Variants in SUZ12 observed in about 807,000 individuals in gnomAD.
The protein encoded by SUZ12 is polycomb protein SUZ12.
In SUZ12, 17 loss-of-function variants were observed where a neutral mutation model predicts 87.3. That is an observed-to-expected ratio of 0.19 (90% CI 0.13 to 0.29). The LOEUF (loss-of-function observed/expected upper bound fraction) is 0.29. Among genes scored for constraint, SUZ12 ranks in the 10% least tolerant of loss-of-function variants. The probability of loss-of-function intolerance (pLI) is 1.00; values close to 1 mark genes in which losing one functional copy is unlikely to be tolerated. For synonymous variants in SUZ12, 253 were observed against 312.4 expected (o/e 0.81, Z 2.01); for missense variants, 526 against 912.2 (o/e 0.58, Z 5.45).
chr17:31,993,239 C>CA lies in SUZ12; in HGVS notation c.1202-2dup, dbSNP rs1909812331. On this transcript the variant is annotated splice_region_variant and splice_polypyrimidine_tract_variant and intron_variant, in intron 10 of 15. Coordinates refer to ENST00000322652, the MANE Select transcript of SUZ12 (RefSeq NM_015355.4). ...TATTGAATATAAAAGTGTATGTTTT[C>CA]AGCTGTTAAAGAATCATTGACTACA... 1 of 1,557,132 alleles carries CA rather than the reference C, an allele frequency of 6.4e-7. No individual in the cohort carries two copies. The highest frequency in any genetic ancestry group is 1.2e-5 in the South Asian group (1 of 82,406).
At chr17:31,983,473 G>A (rs1909232090) in intron 9 of SUZ12, among the ~76,000 whole-genome samples, 1 of 151,800 alleles carries the variant, frequency 6.6e-6, no homozygotes, top group Non-Finnish European at 1.5e-5. Flanking sequence ...GTAGAGACGG[G>A]GTTTGACCAT....
At chr17:31,970,820 G>T (rs1598169380) in intron 5 of SUZ12, among the ~76,000 whole-genome samples, 1 of 151,500 alleles carries the variant, frequency 6.6e-6, no homozygotes, top group Non-Finnish European at 1.5e-5. Context: ...AAAAAATAAA[G>T]AAAAAATGTG....
chr17:31,999,744 G>GTT lies in SUZ12; in HGVS notation c.*752_*753dup, dbSNP rs796203928. On this transcript the variant is annotated 3_prime_UTR_variant, in exon 16 of 16. Transcript: ENST00000322652. ...TTTTAGTGCATTGCTCACCCGGTAT[G>GTT]TTTTTTTTTTTTAACTTGAACATTT... 21 of 199,080 alleles carry GTT rather than the reference G, an allele frequency of 1.1e-4. No individual in the cohort carries two copies. The highest frequency in any genetic ancestry group is 2.9e-4 in the African/African-American group (12 of 41,884). The allele number at this position is 199,080 out of a possible 1,614,324, so 12.3% of individuals were successfully genotyped here. A position where few individuals can be genotyped will look rare whatever the true frequency, so the allele number is the denominator to read the frequency against.
chr17:31,980,902 C>G (rs1317050149), intron 8 of SUZ12, among the ~76,000 whole-genome samples: 1 of 151,914 alleles, frequency 6.6e-6, no homozygotes, highest in South Asian at 2.1e-4. Context: ...TGCAGTGGCT[C>G]ACACTTGTAA....
intron 10 of SUZ12, among the ~76,000 whole-genome samples, chr17:31,988,876 C>A (rs1202684852): frequency 6.6e-6 from 1 of 151,702 alleles, no homozygotes; most frequent in Non-Finnish European, 1.5e-5. Context: ...GGAGATCATC[C>A]TGGCTAACAC....
intron 6 of SUZ12, among the ~76,000 whole-genome samples, chr17:31,974,331 G>C (rs1162429641): frequency 6.6e-6 from 1 of 152,184 alleles, no homozygotes; most frequent in Non-Finnish European, 1.5e-5. Context: ...TCAGGAGATC[G>C]AGTGGCTAAC....
intron 4 of SUZ12, among the ~76,000 whole-genome samples, chr17:31,953,480 T>A (rs1907106894): frequency 1.3e-5 from 2 of 152,106 alleles, no homozygotes; most frequent in Admixed American, 1.3e-4. Flanking sequence ...CAATGATAGG[T>A]CACTGATGGA....
Position 31,984,570 on chromosome 17 carries a change from G to A in SUZ12, c.1023+1466G>A, listed in dbSNP as rs1296763632. Among the ~76,000 whole-genome samples the A allele has an allele frequency of 3.3e-5, 5 of 152,160 alleles. No individual in the cohort carries two copies. In the East Asian group the frequency reaches 9.6e-4, roughly 29 times the overall value. On this transcript the variant is annotated intron_variant, in intron 9 of 15. Transcript: ENST00000322652. ...GTTACAAACAAATTATGGAATGGGG[G>A]AAGTATCTGTAACACAAAATGCTAA...
intron 1 of SUZ12, 138 bp from the exon 2 acceptor site, chr17:31,940,147 TA>T: frequency 7.7e-7 from 1 of 1,297,564 alleles, no homozygotes; most frequent in Non-Finnish European, 1.0e-6. Context: ...TTTCTTGATG[TA>T]AATATTTAGT....
chr17:31,951,796 A>G (rs1416979528), intron 4 of SUZ12, among the ~76,000 whole-genome samples: 2 of 122,846 alleles, frequency 1.6e-5, no homozygotes, highest in Non-Finnish European at 1.7e-5. Context: ...TTTTTTTGAG[A>G]CAGAGTCTCA....
intron 3 of SUZ12, among the ~76,000 whole-genome samples, chr17:31,945,061 CAAAAAAA>C (rs34314619): frequency 1.3e-5 from 1 of 79,274 alleles, no homozygotes; most frequent in Admixed American, 1.5e-4. Flanking sequence ...GATGGTGTCT[CAAAAAAA>C]AAAAAAAAAA....
chr17:31,999,737 C>A lies in SUZ12; in HGVS notation c.*734C>A, dbSNP rs977734905. The A allele has an allele frequency of 4.3e-6, 1 of 231,102 alleles. No individual in the cohort carries two copies. The highest frequency in any genetic ancestry group is 8.5e-6 in the Non-Finnish European group (1 of 117,462). 14.3% of individuals were successfully genotyped at this position (231,102 alleles called of 1,614,324 possible). A position where few individuals can be genotyped will look rare whatever the true frequency, so the allele number is the denominator to read the frequency against. On this transcript the variant is annotated 3_prime_UTR_variant, in exon 16 of 16. Coordinates refer to ENST00000322652, the MANE Select transcript of SUZ12 (RefSeq NM_015355.4). ...TGGATAATTTTAGTGCATTGCTCAC[C>A]CGGTATGTTTTTTTTTTTTAACTTG...
At chr17:31,950,347 A>G (rs1906890445) in intron 4 of SUZ12, among the ~76,000 whole-genome samples, 1 of 152,212 alleles carries the variant, frequency 6.6e-6, no homozygotes, top group Non-Finnish European at 1.5e-5. Flanking sequence ...ATATGATGCC[A>G]GCAATATAAA....
At chr17:31,957,894 CCTT>C (rs1567818972) in intron 4 of SUZ12, among the ~76,000 whole-genome samples, 1 of 123,242 alleles carries the variant, frequency 8.1e-6, no homozygotes, top group Non-Finnish European at 1.8e-5. Context: ...CACCTTTTGT[CCTT>C]TTTTTTTTTT....
At chr17:31,950,869 C>T (rs1906928214) in intron 4 of SUZ12, among the ~76,000 whole-genome samples, 2 of 151,964 alleles carry the variant, frequency 1.3e-5, no homozygotes, top group Middle Eastern at 3.2e-3. Flanking sequence ...AGGCTCTGCC[C>T]GCCGGGGTTC....
At chr17:31,982,787 G>C (rs189444231) in intron 8 of SUZ12, among the ~76,000 whole-genome samples, 440 of 152,340 alleles carry the variant, frequency 2.9e-3, no homozygotes, top group Non-Finnish European at 5.6e-3. Flanking sequence ...AGTAGCTACA[G>C]TAATGAATTC....
intron 4 of SUZ12, among the ~76,000 whole-genome samples, chr17:31,959,511 T>TTC (rs1907571235): frequency 6.6e-6 from 1 of 152,170 alleles, no homozygotes; most frequent in African/African-American, 2.4e-5. Context: ...AGACACGAGT[T>TTC]TCTCAGCTTT....
intron 3 of SUZ12, among the ~76,000 whole-genome samples, chr17:31,941,503 C>A (rs536145891): frequency 6.6e-6 from 1 of 151,684 alleles, no homozygotes. Flanking sequence ...GTGATCCACC[C>A]GCCTCGGCCT....
intron 4 of SUZ12, among the ~76,000 whole-genome samples, chr17:31,951,897 C>T (rs1160086869): frequency 1.3e-5 from 2 of 151,634 alleles, no homozygotes; most frequent in Non-Finnish European, 2.9e-5. Context: ...GCCGCAGCCT[C>T]CCTAGTAGCT....
Sources: allele counts gnomAD v4.1 joint callset (sites outside exome capture counted in the v4.1 genomes callset), GRCh38; gene constraint gnomAD v4.1.1; transcripts MANE v1.5; gene names NCBI Gene and HGNC (gene_info 2026-07-23, HGNC 2026-07-21).